Variants in DST observed in about 807,000 individuals in gnomAD.
DST encodes the protein bullous pemphigoid antigen.
Under a neutral mutation model 875.2 loss-of-function variants are expected in DST, and 253 were observed. The ratio of observed to expected loss-of-function variants is 0.29; its 90% CI spans 0.26 to 0.32. The LOEUF (loss-of-function observed/expected upper bound fraction) is 0.32, where lower values mean the gene tolerates loss of function less well. Among genes scored for constraint, DST ranks in the 10% least tolerant of loss-of-function variants. The pLI, the probability that DST is intolerant of heterozygous loss-of-function variation, is 1.00. For missense variants in DST, 8,287 were observed against 9,111.6 expected (o/e 0.91, Z 3.68); for synonymous variants, 3,124 against 3,197.1 (o/e 0.98, Z 0.77).
intron 4 of DST, among the ~76,000 whole-genome samples, chr6:56,845,769 A>G (rs918282523): frequency 2.1e-4 from 32 of 152,234 alleles, no homozygotes; most frequent in Admixed American, 2.1e-3. Flanking sequence ...GACACCCAGT[A>G]GCACCCAGTT....
intron 9 of DST, among the ~76,000 whole-genome samples, chr6:56,679,483 C>T (rs1417691168): frequency 6.6e-6 from 1 of 151,572 alleles, no homozygotes; most frequent in African/African-American, 2.4e-5. Flanking sequence ...TACTATTTGG[C>T]TGGGTGTGGT....
At chr6:56,871,636 T>A in intron 3 of DST, 2 of 751,574 alleles carry the variant, frequency 2.7e-6, no homozygotes, top group Middle Eastern at 3.7e-4. Flanking sequence ...ATCGAGATGA[T>A]CCTTACTGAA....
chr6:56,797,914 A>AGG (rs34729634), intron 4 of DST, among the ~76,000 whole-genome samples: 25,207 of 152,026 alleles, frequency 0.17, 2,318 homozygotes, highest in Non-Finnish European at 0.19. Context: ...ATCTAGACAG[A>AGG]AATTCCCTTA....
chr6:56,604,231 C>G lies in DST; in HGVS notation c.10397G>C (p.Arg3466Thr). Reference sequence around the variant, plus strand: ...GTCATACTCCATATGAGTTAATTCTCTCATCAATTCAAATACTCCTGTAAT... The same window carrying G: ...GTCATACTCCATATGAGTTAATTCTGTCATCAATTCAAATACTCCTGTAAT... Reference protein sequence around the residue: ...QKITGVFELMRELTHMEYDLE... With the variant: ...QKITGVFELMTELTHMEYDLE... The change falls in exon 40 of 104, where the codon AGA (arginine) becomes ACA (threonine). Residue 3466 changes from arginine to threonine, a missense_variant. Transcript: ENST00000680361. 6.2e-7 allele frequency: 1 copy of G among 1,608,894 alleles called. No individual in the cohort carries two copies. The highest frequency in any genetic ancestry group is 8.5e-7 in the Non-Finnish European group (1 of 1,177,200).
At position 56,607,785 on chromosome 6, in the gene DST, T is replaced by C; in HGVS notation, c.6843A>G (p.Lys2281=). ...ECTATPSSFN[K]CHCGEPEHEE... ...CATGTTCAGGTTCTCCACAGTGACA[T>C]TTATTGAAACTACTTGGTGTAGCTG... The change falls in exon 40 of 104, where the codon AAA becomes AAG. Residue 2281 remains lysine (K), a synonymous_variant. Coordinates refer to ENST00000680361, the MANE Select transcript of DST (RefSeq NM_001374736.1). 1 of 1,613,494 alleles carries C rather than the reference T, an allele frequency of 6.2e-7. No homozygotes were observed. Among genetic ancestry groups the C allele is most frequent in the Non-Finnish European group, 8.5e-7 (1 of 1,179,708 alleles).
chr6:56,460,950 G>T (rs1447682467), intron 102 of DST: 2 of 151,612 alleles, frequency 1.3e-5, no homozygotes, highest in Middle Eastern at 3.4e-3. Flanking sequence ...ATAAGTATGA[G>T]ATTTTATTAT....
chr6:56,897,963 C>T (rs1452687087), intron 3 of DST, among the ~76,000 whole-genome samples: 2 of 152,200 alleles, frequency 1.3e-5, no homozygotes, highest in Non-Finnish European at 2.9e-5. Flanking sequence ...TCTGCTGCCC[C>T]TTAGACCAGG....
chr6:56,612,219 A>C (rs2098551494), intron 37 of DST, among the ~76,000 whole-genome samples: 1 of 152,166 alleles, frequency 6.6e-6, no homozygotes, highest in Non-Finnish European at 1.5e-5. Context: ...AAAAATACAA[A>C]AAGTATCCAA....
Position 56,954,509 on chromosome 6 carries a change from C to T in DST, c.79G>A (p.Gly27Ser). 7.3e-7 allele frequency: 1 copy of T among 1,367,476 alleles called. No homozygotes were observed. The allele number at this position is 1,367,476 out of a possible 1,614,324, so 84.7% of individuals were successfully genotyped here. The change falls in exon 1 of 104, where the codon GGC (glycine) becomes AGC (serine). Residue 27 changes from glycine (G) to serine (S), a missense_variant. Gly to Ser is a moderately conservative substitution (Grantham distance 56). Transcript: ENST00000680361. The stretch of plus-strand genomic sequence containing the variant: ...AAGAAGACGATGGTGGCGATGGTGC[C>T]CAGCAGAAGCAACAAGAGGAAGAGG... ...CALFLLLLLL[G>S]TIATIVFFCC...
intron 2 of DST, among the ~76,000 whole-genome samples, chr6:56,934,560 T>TTTTATATATATATATATATA (rs869186436): frequency 0.019 from 2,015 of 106,346 alleles, 135 homozygotes; most frequent in Middle Eastern, 0.043. Flanking sequence ...ATATATTATA[T>TTTTATATATATATATATATA]TATATATATA....
At position 56,841,522 on chromosome 6, in the gene DST, C is replaced by T. The variant is rs549008108; in HGVS notation, c.625+9875G>A. Among the ~76,000 whole-genome samples the T allele has an allele frequency of 6.6e-5, 10 of 152,304 alleles. No homozygotes were observed. The South Asian group carries it at 1.2e-3, about 19-fold the overall frequency. ...GGCAAAGACAAGCTTTTAAACAATGCCTACTTCTTTTAGACAAAGTCAAAT... is the reference window on the plus strand; with the variant it reads ...GGCAAAGACAAGCTTTTAAACAATGTCTACTTCTTTTAGACAAAGTCAAAT... On this transcript the variant is annotated intron_variant, in intron 4 of 103. Transcript: ENST00000680361.
At chr6:56,811,183 CAAAAAA>C (rs371256050) in intron 4 of DST, among the ~76,000 whole-genome samples, 1 of 33,328 alleles carries the variant, frequency 3.0e-5, no homozygotes, top group African/African-American at 1.2e-4. Flanking sequence ...GACCCTGTCT[CAAAAAA>C]AAAAAAAAAA....
chr6:56,588,188 A>G (rs934741218), intron 49 of DST, among the ~76,000 whole-genome samples: 1 of 152,226 alleles, frequency 6.6e-6, no homozygotes, highest in African/African-American at 2.4e-5. Context: ...CCAAGACTTG[A>G]GCATGCTATA....
chr6:56,924,256 C>T (rs1036582377), intron 2 of DST, among the ~76,000 whole-genome samples: 1 of 152,066 alleles, frequency 6.6e-6, no homozygotes, highest in African/African-American at 2.4e-5. Context: ...ATAAACACTC[C>T]CATCATGGCC....
At chr6:56,507,966 G>A (rs569379064) in intron 75 of DST, among the ~76,000 whole-genome samples, 6 of 152,268 alleles carry the variant, frequency 3.9e-5, no homozygotes, top group African/African-American at 1.4e-4. Flanking sequence ...GAAAGAGAGA[G>A]ATAATAAGGC....
intron 2 of DST, among the ~76,000 whole-genome samples, chr6:56,948,872 T>C (rs1820973258): frequency 6.6e-6 from 1 of 152,222 alleles, no homozygotes; most frequent in Non-Finnish European, 1.5e-5. Flanking sequence ...CTCTACAGCA[T>C]GACACTTTGT....
At chr6:56,757,255 G>A (rs1436490298) in intron 4 of DST, among the ~76,000 whole-genome samples, 1 of 152,138 alleles carries the variant, frequency 6.6e-6, no homozygotes, top group Non-Finnish European at 1.5e-5. Context: ...GTCTGTACAT[G>A]GCATGTCATC....
At chr6:56,906,090 T>C (rs116546639) in intron 2 of DST, among the ~76,000 whole-genome samples, 2 of 152,222 alleles carry the variant, frequency 1.3e-5, no homozygotes, top group Non-Finnish European at 2.9e-5. Flanking sequence ...TTTGTACATA[T>C]AGCCAGAAGT....
chr6:56,739,886 G>GC (rs1324034214), intron 4 of DST, among the ~76,000 whole-genome samples: 1 of 152,132 alleles, frequency 6.6e-6, no homozygotes, highest in East Asian at 1.9e-4. Context: ...GCAACCAGCA[G>GC]CCCTCAGGGC....
Sources: gnomAD v4.1 joint callset for allele counts (sites outside exome capture counted in the v4.1 genomes callset) on GRCh38, gnomAD v4.1.1 for gene constraint, MANE v1.5 for transcripts, NCBI Gene and HGNC (gene_info 2026-07-23, HGNC 2026-07-21) for gene names.